The following ENOX2 variants were observed in gnomAD, a reference collection of about 807,000 sequenced individuals.
ENOX2 encodes the protein APK1 antigen.
ENOX2 carries 36 observed loss-of-function variants against 45.0 expected under a neutral mutation model. The ratio of observed to expected loss-of-function variants is 0.80; its 90% CI spans 0.61 to 1.06. The LOEUF (loss-of-function observed/expected upper bound fraction) is 1.06, where lower values mean the gene tolerates loss of function less well. Ranked by LOEUF, ENOX2 falls within the 50% of genes least tolerant of loss-of-function variation. The probability of loss-of-function intolerance (pLI) is 0.00; values close to 1 mark genes in which losing one functional copy is unlikely to be tolerated. For synonymous variants in ENOX2, 174 were observed against 152.3 expected (o/e 1.14, Z -1.05); for missense variants, 423 against 462.5 (o/e 0.91, Z 0.78).
At chrX:130,738,209 G>A (rs2038904893) in intron 3 of ENOX2, among the ~76,000 whole-genome samples, 1 of 112,020 alleles carries the variant, frequency 8.9e-6, no homozygotes, top group Non-Finnish European at 1.9e-5. Context: ...ACTCCTCTGC[G>A]GAGGTGGCAG....
intron 2 of ENOX2, among the ~76,000 whole-genome samples, chrX:130,877,794 C>T (rs937108004): frequency 1.8e-5 from 2 of 112,067 alleles, no homozygotes; most frequent in Non-Finnish European, 3.8e-5. Flanking sequence ...GGGCAGTTTA[C>T]TATCCTGGGA....
chrX:130,744,354 C>T (rs780888590), intron 3 of ENOX2, among the ~76,000 whole-genome samples: 1 of 111,961 alleles, frequency 8.9e-6, no homozygotes, highest in East Asian at 2.8e-4. Context: ...GCATTTTGAA[C>T]TCTTCGTAAG....
At chrX:130,631,768 C>T in intron 12 of ENOX2, among the ~76,000 whole-genome samples, 192 bp from the exon 13 acceptor site, 1 of 110,367 alleles carries the variant, frequency 9.1e-6, no homozygotes, top group Admixed American at 9.6e-5. Context: ...TTATAGGGCT[C>T]CAAAACACAG....
intron 2 of ENOX2, among the ~76,000 whole-genome samples, chrX:130,800,566 T>C (rs1408682104): frequency 8.9e-6 from 1 of 111,993 alleles, no homozygotes; most frequent in East Asian, 2.8e-4. Context: ...AAAATGTCTT[T>C]TTTTTTAAGC....
chrX:130,687,368 CA>C (rs1365623117), intron 5 of ENOX2, among the ~76,000 whole-genome samples: 2 of 112,369 alleles, frequency 1.8e-5, no homozygotes, highest in Non-Finnish European at 3.8e-5. Flanking sequence ...CTTTCATAAG[CA>C]GGAGGTTTTA....
chrX:130,856,439 T>C (rs772853377), intron 2 of ENOX2, among the ~76,000 whole-genome samples: 2 of 111,571 alleles, frequency 1.8e-5, no homozygotes, highest in East Asian at 5.6e-4. Flanking sequence ...ACATATGGTG[T>C]TATTTCTCCA....
At chrX:130,715,776 G>A (rs1164957739) in intron 3 of ENOX2, among the ~76,000 whole-genome samples, 2 of 111,614 alleles carry the variant, frequency 1.8e-5, no homozygotes, top group African/African-American at 6.5e-5. Flanking sequence ...CCTGTGTGAT[G>A]TTAGGCAAGT....
At chrX:130,868,485 T>G (rs1400897279) in intron 2 of ENOX2, among the ~76,000 whole-genome samples, 1 of 111,540 alleles carries the variant, frequency 9.0e-6, no homozygotes, top group Admixed American at 9.5e-5. Context: ...CCGCTCAGAC[T>G]CCCTGGAAGA....
intron 5 of ENOX2, among the ~76,000 whole-genome samples, chrX:130,682,019 C>G (rs986368817): frequency 8.4e-5 from 9 of 107,336 alleles, no homozygotes; most frequent in East Asian, 5.9e-4. Flanking sequence ...AACACAACCC[C>G]CCCCCCCACC....
intron 3 of ENOX2, among the ~76,000 whole-genome samples, chrX:130,733,145 A>ATAT (rs2038776404): frequency 8.9e-6 from 1 of 112,104 alleles, no homozygotes; most frequent in Non-Finnish European, 1.9e-5. Flanking sequence ...AATCTCTAAA[A>ATAT]TATATAAGGA....
intron 3 of ENOX2, 90 bp from the exon 4 acceptor site, chrX:130,703,344 T>C (rs1419245790): frequency 1.1e-6 from 1 of 906,857 alleles, no homozygotes; most frequent in Admixed American, 3.0e-5. Context: ...AAACTGTTTA[T>C]AGAAATGGCT....
Position 130,625,132 on chromosome X carries a change from T to C in ENOX2, c.*182A>G. ...CACTTGTGGTTTGAGGCAATTTCTC[T>C]TTAGGGCCTGTAGTTCGAGGTGCTG... On this transcript the variant is annotated 3_prime_UTR_variant, in exon 15 of 15. Coordinates refer to ENST00000394363, the MANE Select transcript of ENOX2 (RefSeq NM_006375.4). 1 of 460,071 alleles carries C rather than the reference T, an allele frequency of 2.2e-6. No individual in the cohort carries two copies. Among genetic ancestry groups the C allele is most frequent in the Non-Finnish European group, 3.6e-6 (1 of 281,462 alleles). 37.9% of individuals were successfully genotyped at this position (460,071 alleles called of 1,213,427 possible). A position where few individuals can be genotyped will look rare whatever the true frequency, so the allele number is the denominator to read the frequency against.
chrX:130,780,491 G>A (rs2039946010), intron 3 of ENOX2, among the ~76,000 whole-genome samples: 1 of 111,807 alleles, frequency 8.9e-6, no homozygotes, highest in African/African-American at 3.3e-5. Flanking sequence ...ACTTACAGTC[G>A]AGGGATGAAG....
chrX:130,831,169 C>T (rs1423109451), intron 2 of ENOX2, among the ~76,000 whole-genome samples: 3 of 110,772 alleles, frequency 2.7e-5, no homozygotes, highest in Non-Finnish European at 5.7e-5. Flanking sequence ...ACAGAGCCCT[C>T]ATGACCTAAT....
intron 10 of ENOX2, among the ~76,000 whole-genome samples, chrX:130,641,527 G>C (rs2036083576): frequency 9.1e-6 from 1 of 110,007 alleles, no homozygotes; most frequent in African/African-American, 3.3e-5. Flanking sequence ...GACCAGCCTG[G>C]CCAACATGGT....
intron 2 of ENOX2, among the ~76,000 whole-genome samples, chrX:130,840,168 A>G (rs2077989769): frequency 1.8e-5 from 2 of 111,876 alleles, no homozygotes; most frequent in African/African-American, 6.5e-5. Context: ...TCTTGTAACT[A>G]TTTAACTTAT....
At chrX:130,895,595 A>G (rs142017442) in intron 2 of ENOX2, among the ~76,000 whole-genome samples, 1,575 of 112,417 alleles carry the variant, frequency 0.014, 11 homozygotes, top group East Asian at 0.051. Flanking sequence ...CATTTGGACC[A>G]GCTTTGTTAA....
At chrX:130,822,038 A>G (rs2077623696) in intron 2 of ENOX2, among the ~76,000 whole-genome samples, 3 of 98,163 alleles carry the variant, frequency 3.1e-5, no homozygotes, top group African/African-American at 1.1e-4. Flanking sequence ...ACTGCACTCC[A>G]GCCTGGGTGA....
At chrX:130,822,286 C>G (rs1306250940) in intron 2 of ENOX2, among the ~76,000 whole-genome samples, 2 of 111,355 alleles carry the variant, frequency 1.8e-5, no homozygotes. Context: ...GATTTTTCAA[C>G]TTCACAATAG....
Sources: allele counts gnomAD v4.1 joint callset (sites outside exome capture counted in the v4.1 genomes callset), GRCh38; gene constraint gnomAD v4.1.1; transcripts MANE v1.5; gene names NCBI Gene and HGNC (gene_info 2026-07-23, HGNC 2026-07-21).